EYS: variants seen among roughly 807,000 people sequenced by gnomAD.
The protein encoded by EYS is protein eyes shut homolog.
In EYS, 250 loss-of-function variants were observed where a neutral mutation model predicts 282.1. The observed-to-expected ratio is 0.89, with a 90% CI of 0.80 to 0.98. EYS has a LOEUF of 0.98. Among genes scored for constraint, EYS ranks in the 50% least tolerant of loss-of-function variants. The probability of loss-of-function intolerance (pLI) is 0.00; values close to 1 mark genes in which losing one functional copy is unlikely to be tolerated. For synonymous variants in EYS, 1,355 were observed against 1,282.9 expected (o/e 1.06, Z -1.20); for missense variants, 4,016 against 3,709.0 (o/e 1.08, Z -2.15).
At chr6:64,744,477 C>T (rs1772486311) in intron 22 of EYS, among the ~76,000 whole-genome samples, 1 of 152,136 alleles carries the variant, frequency 6.6e-6, no homozygotes, top group African/African-American at 2.4e-5. Flanking sequence ...CTCACATGTT[C>T]CTAGCCAATA....
intron 22 of EYS, among the ~76,000 whole-genome samples, chr6:64,752,564 A>C (rs1164083587): frequency 6.6e-6 from 1 of 152,156 alleles, no homozygotes; most frequent in Non-Finnish European, 1.5e-5. Flanking sequence ...GAAGAGTAAA[A>C]AGGTTGGACT....
chr6:64,153,863 G>A (rs916727237), intron 31 of EYS, among the ~76,000 whole-genome samples: 7 of 152,216 alleles, frequency 4.6e-5, no homozygotes, highest in South Asian at 2.1e-4. Flanking sequence ...TTTTTGTAGC[G>A]TTGCCTGTAA....
intron 35 of EYS, among the ~76,000 whole-genome samples, chr6:63,962,745 C>T (rs548351756): frequency 1.1e-4 from 16 of 152,248 alleles, no homozygotes; most frequent in Middle Eastern, 3.4e-3. Flanking sequence ...TTGACCCAGC[C>T]ATCGCATTAC....
rs147264812 is a variant in EYS at position 64,205,814 on chromosome 6, T to TACACACAC, written c.6424+24770_6424+24777dup. On this transcript the variant is annotated intron_variant, in intron 31 of 42. Transcript: ENST00000503581. ...GGCTTTCAAAGGGAATAGGCATTCA[T>TACACACAC]ACACACACACACACACACACACACA... Among the ~76,000 whole-genome samples the TACACACAC allele has an allele frequency of 3.2e-3, 437 of 136,366 alleles. 8 individuals are homozygous for TACACACAC. Among genetic ancestry groups the TACACACAC allele is most frequent in the Admixed American group, 0.019 (253 of 13,016 alleles). 89.5% of individuals were successfully genotyped at this position (136,366 alleles called of 152,430 possible).
intron 5 of EYS, among the ~76,000 whole-genome samples, chr6:65,440,748 A>G (rs1384137565): frequency 1.3e-5 from 2 of 150,722 alleles, no homozygotes; most frequent in Non-Finnish European, 3.0e-5. Context: ...AATTTTTTTG[A>G]TATGGCTAAT....
intron 13 of EYS, among the ~76,000 whole-genome samples, chr6:65,022,351 G>T (rs371527285): frequency 2.6e-5 from 4 of 152,318 alleles, no homozygotes; most frequent in African/African-American, 9.6e-5. Flanking sequence ...AGCTTCAGAA[G>T]GCATGCTTAT....
intron 11 of EYS, among the ~76,000 whole-genome samples, chr6:65,318,016 C>T (rs538269415): frequency 1.7e-4 from 26 of 150,440 alleles, no homozygotes; most frequent in Admixed American, 8.6e-4. Flanking sequence ...GACAGGCGCC[C>T]GCCACCACGC....
At chr6:65,434,588 A>G (rs921746461) in intron 5 of EYS, among the ~76,000 whole-genome samples, 2 of 152,058 alleles carry the variant, frequency 1.3e-5, no homozygotes, top group Non-Finnish European at 2.9e-5. Context: ...CAAAGTGTTG[A>G]GATTACAGGC....
intron 33 of EYS, among the ~76,000 whole-genome samples, chr6:64,009,915 T>A (rs978569335): frequency 6.6e-6 from 1 of 152,158 alleles, no homozygotes; most frequent in Non-Finnish European, 1.5e-5. Context: ...TTTGTTTGTT[T>A]GTTTTTGCTT....
At chr6:64,152,379 T>C (rs1687978610) in intron 31 of EYS, among the ~76,000 whole-genome samples, 1 of 152,218 alleles carries the variant, frequency 6.6e-6, no homozygotes, top group African/African-American at 2.4e-5. Context: ...TATGAATAGG[T>C]CACATAGAAG....
intron 33 of EYS, among the ~76,000 whole-genome samples, chr6:64,046,052 A>G (rs1770611563): frequency 6.8e-6 from 1 of 147,878 alleles, no homozygotes; most frequent in Admixed American, 6.8e-5. Flanking sequence ...GTAACATAAT[A>G]TATGTATTAT....
rs138259316 is a variant in EYS at position 65,176,097 on chromosome 6, C to T, written c.2024-118370G>A. The stretch of plus-strand genomic sequence containing the variant: ...TTGTATGTGTGTGTGTGAGAGAGAG[C>T]ACTTATGATCTATTTTCTTAGGACA... On this transcript the variant is annotated intron_variant, in intron 12 of 42. Coordinates refer to ENST00000503581, the MANE Select transcript of EYS (RefSeq NM_001142800.2). Among the ~76,000 whole-genome samples the T allele has an allele frequency of 5.1e-3, 780 of 151,492 alleles. 7 individuals carry two copies. The highest frequency in any genetic ancestry group is 0.018 in the African/African-American group (749 of 41,458).
At chr6:64,593,494 C>G (rs1766475867) in intron 24 of EYS, among the ~76,000 whole-genome samples, 185 bp from the exon 25 acceptor site, 1 of 152,060 alleles carries the variant, frequency 6.6e-6, no homozygotes. Context: ...GGACTCAATC[C>G]TTTCAATTTG....
intron 31 of EYS, among the ~76,000 whole-genome samples, chr6:64,229,732 C>G (rs1420245226): frequency 6.6e-6 from 1 of 152,172 alleles, no homozygotes; most frequent in Non-Finnish European, 1.5e-5. Context: ...TCCACATCCA[C>G]ACACATGCAC....
intron 22 of EYS, among the ~76,000 whole-genome samples, chr6:64,635,096 G>A (rs1468049204): frequency 6.6e-6 from 1 of 152,028 alleles, no homozygotes; most frequent in Non-Finnish European, 1.5e-5. Flanking sequence ...TTGTGAATGG[G>A]AGTTCACTCA....
At chr6:65,178,082 C>A (rs1295514148) in intron 12 of EYS, among the ~76,000 whole-genome samples, 1 of 151,870 alleles carries the variant, frequency 6.6e-6, no homozygotes, top group Admixed American at 6.6e-5. Context: ...ATGGGGTCAA[C>A]TGCAAACAGC....
At chr6:64,788,538 G>A (rs753838469) in intron 22 of EYS, among the ~76,000 whole-genome samples, 15 of 152,128 alleles carry the variant, frequency 9.9e-5, no homozygotes, top group Non-Finnish European at 2.2e-4. Context: ...TGCGTGAGAC[G>A]TGGTAGAGGG....
intron 5 of EYS, among the ~76,000 whole-genome samples, chr6:65,415,420 G>T (rs1187814563): frequency 6.6e-6 from 1 of 152,002 alleles, no homozygotes; most frequent in African/African-American, 2.4e-5. Context: ...GAAGTACAGT[G>T]GTATGAAGTA....
intron 5 of EYS, among the ~76,000 whole-genome samples, chr6:65,434,782 T>C (rs1768013686): frequency 1.3e-5 from 2 of 152,186 alleles, no homozygotes; most frequent in African/African-American, 4.8e-5. Flanking sequence ...ATATCTAAAA[T>C]GTTCCCTTAA....
Sources: gnomAD v4.1 joint callset for allele counts (sites outside exome capture counted in the v4.1 genomes callset) on GRCh38, gnomAD v4.1.1 for gene constraint, MANE v1.5 for transcripts, NCBI Gene and HGNC (gene_info 2026-07-23, HGNC 2026-07-21) for gene names.